Variants in NHS observed in about 807,000 individuals in gnomAD.
NHS encodes NHS actin remodeling regulator, also known as actin remodeling regulator NHS.
A neutral mutation model predicts 72.5 loss-of-function variants in NHS; 5 were observed. The ratio of observed to expected loss-of-function variants is 0.07; its 90% CI spans 0.04 to 0.14. The LOEUF is 0.14. Ranked by LOEUF, NHS falls within the 10% of genes least tolerant of loss-of-function variation. The pLI, the probability that NHS is intolerant of heterozygous loss-of-function variation, is 1.00. For missense variants in NHS, 1,072 were observed against 1,355.7 expected (o/e 0.79, Z 3.29); for synonymous variants, 464 against 547.7 (o/e 0.85, Z 2.13).
intron 1 of NHS, among the ~76,000 whole-genome samples, chrX:17,471,829 A>C (rs2064893641): frequency 1.8e-5 from 2 of 111,879 alleles, no homozygotes; most frequent in Non-Finnish European, 3.8e-5. Flanking sequence ...CTTCTAAGAC[A>C]GTAGAAAATA....
At chrX:17,503,496 CT>C (rs2065044478) in intron 1 of NHS, among the ~76,000 whole-genome samples, 1 of 111,624 alleles carries the variant, frequency 9.0e-6, no homozygotes, top group African/African-American at 3.3e-5. Context: ...CTACTGCTAT[CT>C]TCATTTTACA....
At chrX:17,615,237 CGTAT>C (rs2065738493) in intron 1 of NHS, among the ~76,000 whole-genome samples, 1 of 94,104 alleles carries the variant, frequency 1.1e-5, no homozygotes, top group African/African-American at 4.2e-5. Context: ...CATATATATA[CGTAT>C]ATATATACAC....
intron 1 of NHS, among the ~76,000 whole-genome samples, chrX:17,405,934 C>T (rs993254850): frequency 9.8e-5 from 11 of 112,566 alleles, no homozygotes; most frequent in African/African-American, 3.2e-4. Context: ...ACCCACAATC[C>T]AGTTCCCTAT....
intron 1 of NHS, among the ~76,000 whole-genome samples, chrX:17,652,607 C>T (rs2065935702): frequency 9.0e-6 from 1 of 111,165 alleles, no homozygotes; most frequent in Admixed American, 9.5e-5. Context: ...TAAGGAGAGT[C>T]TGGTTAATGA....
rs1407103871 is a variant in NHS, at chrX:17,692,119, G to GATCC, written c.719-214_719-211dup. ...GCCCTCTTGTACAGATTATGAGATG[G>GATCC]ATCCACTGAAATGTATGCATCCAAT... On this transcript the variant is annotated intron_variant, in intron 2 of 8. Coordinates refer to ENST00000676302, the MANE Select transcript of NHS (RefSeq NM_001291867.2). Among the ~76,000 whole-genome samples, 4 of 111,764 alleles carry GATCC rather than the reference G, an allele frequency of 3.6e-5. No homozygotes were observed. In the Admixed American group the frequency reaches 3.8e-4, roughly 11 times the overall value.
chrX:17,405,586 G>A (rs2064525531), intron 1 of NHS, among the ~76,000 whole-genome samples: 1 of 112,154 alleles, frequency 8.9e-6, no homozygotes, highest in Admixed American at 9.4e-5. Flanking sequence ...CTCCCAGTGA[G>A]GTGCTTTCCT....
At chrX:17,574,591 AGGTAC>A (rs1287992485) in intron 1 of NHS, among the ~76,000 whole-genome samples, 1 of 111,982 alleles carries the variant, frequency 8.9e-6, no homozygotes, top group Non-Finnish European at 1.9e-5. Context: ...CCGCTCCTCC[AGGTAC>A]AGTCACTCAT....
At chrX:17,386,663 C>CA (rs1184465152) in intron 1 of NHS, among the ~76,000 whole-genome samples, 13,887 of 38,005 alleles carry the variant, frequency 0.37, 1,975 homozygotes, top group African/African-American at 0.5. Context: ...AACTCTGTCT[C>CA]AAAAAAAAAA....
chrX:17,573,453 C>T (rs2065492854), intron 1 of NHS, among the ~76,000 whole-genome samples: 1 of 109,174 alleles, frequency 9.2e-6, no homozygotes, highest in African/African-American at 3.3e-5. Flanking sequence ...GATATCCTTT[C>T]TTCTGCTTGA....
chrX:17,718,766 AGGAAAGAAGGAAGGAAGGAG>A (rs1224569296), intron 3 of NHS, among the ~76,000 whole-genome samples: 23 of 92,843 alleles, frequency 2.5e-4, no homozygotes, highest in African/African-American at 6.8e-4. Context: ...GAAGGAAGAA[AGGAAAGAAGGAAGGAAGGAG>A]GGAAAGAAGG....
rs186029617 is a variant in NHS at position 17,667,390 on chromosome X, G to T, written c.566-20352G>T. 9.2e-3 allele frequency among the ~76,000 whole-genome samples: 1,029 copies of T among 111,538 alleles called. 2 individuals carry two copies. Among genetic ancestry groups the T allele is most frequent in the Middle Eastern group, 0.041 (9 of 217 alleles). ...GGAGTCAGCAAAGCAGTCCTGCTTT[G>T]GGAGGCATCTGTGCTAAGCTCATGC... On this transcript the variant is annotated intron_variant, in intron 1 of 8. Transcript: ENST00000676302.
intron 1 of NHS, among the ~76,000 whole-genome samples, chrX:17,393,537 T>G (rs961077271): frequency 3.6e-5 from 4 of 112,634 alleles, no homozygotes; most frequent in Non-Finnish European, 7.5e-5. Context: ...GAATCTTTAT[T>G]GGCACTGCTT....
intron 1 of NHS, among the ~76,000 whole-genome samples, chrX:17,548,425 C>A (rs1455222196): frequency 1.8e-5 from 2 of 110,628 alleles, no homozygotes; most frequent in East Asian, 5.7e-4. Context: ...TTTTGTGGAT[C>A]CCCAGGGAAC....
intron 1 of NHS, among the ~76,000 whole-genome samples, chrX:17,531,143 C>G (rs2065196397): frequency 9.0e-6 from 1 of 110,886 alleles, no homozygotes; most frequent in Non-Finnish European, 1.9e-5. Flanking sequence ...CTTTTAATTC[C>G]CTTCCCCTTC....
At chrX:17,522,518 C>A (rs1361266889) in intron 1 of NHS, among the ~76,000 whole-genome samples, 1 of 97,114 alleles carries the variant, frequency 1.0e-5, no homozygotes, top group Non-Finnish European at 2.1e-5. Context: ...CCCCATCCCC[C>A]CCATCCGGAA....
intron 1 of NHS, among the ~76,000 whole-genome samples, chrX:17,397,225 C>A (rs2064480357): frequency 8.9e-6 from 1 of 112,569 alleles, no homozygotes; most frequent in Non-Finnish European, 1.9e-5. Context: ...CATGGCCACA[C>A]AACCAACCGG....
At chrX:17,572,016 C>T (rs1400601086) in intron 1 of NHS, among the ~76,000 whole-genome samples, 1 of 112,314 alleles carries the variant, frequency 8.9e-6, no homozygotes, top group African/African-American at 3.2e-5. Flanking sequence ...TTCGATTGCA[C>T]TGTGGTCTGA....
intron 1 of NHS, among the ~76,000 whole-genome samples, chrX:17,472,345 CAG>C (rs898919056): frequency 6.4e-5 from 7 of 110,089 alleles, no homozygotes; most frequent in Admixed American, 1.9e-4. Flanking sequence ...GAGACAGAGA[CAG>C]AGAGAGACAG....
intron 1 of NHS, among the ~76,000 whole-genome samples, chrX:17,522,714 C>A (rs1332629740): frequency 9.0e-6 from 1 of 110,886 alleles, no homozygotes; most frequent in Non-Finnish European, 1.9e-5. Flanking sequence ...GATTTAGAGA[C>A]CCCGAATGTT....
Sources: allele counts gnomAD v4.1 joint callset (sites outside exome capture counted in the v4.1 genomes callset), GRCh38; gene constraint gnomAD v4.1.1; transcripts MANE v1.5; gene names NCBI Gene and HGNC (gene_info 2026-07-23, HGNC 2026-07-21).